The following CHD2 variants were observed in gnomAD, a reference collection of about 807,000 sequenced individuals.
CHD2 encodes the protein ATP-dependent chromatin remodeler CHD2.
In CHD2, 28 loss-of-function variants were observed where a neutral mutation model predicts 243.9. The observed-to-expected ratio is 0.11, with a 90% CI of 0.09 to 0.16. CHD2 has a LOEUF of 0.16. Among genes scored for constraint, CHD2 ranks in the 10% least tolerant of loss-of-function variants. The pLI is 1.00. For missense variants in CHD2, 1,386 were observed against 2,209.8 expected (o/e 0.63, Z 7.47); for synonymous variants, 775 against 779.0 (o/e 0.99, Z 0.09).
intron 2 of CHD2, among the ~76,000 whole-genome samples, chr15:92,912,797 G>T (rs147572717): frequency 6.6e-6 from 1 of 152,136 alleles, no homozygotes; most frequent in Non-Finnish European, 1.5e-5. Context: ...TGATCCGCCC[G>T]CCTCGGCCTC....
chr15:92,905,736 G>A (rs2052609279), intron 2 of CHD2, among the ~76,000 whole-genome samples: 1 of 152,180 alleles, frequency 6.6e-6, no homozygotes, highest in African/African-American at 2.4e-5. Context: ...ACAGAGAAGT[G>A]TTCATCAAAT....
intron 7 of CHD2, among the ~76,000 whole-genome samples, chr15:92,940,861 T>A (rs1414727089): frequency 2.4e-5 from 3 of 122,460 alleles, no homozygotes; most frequent in Admixed American, 9.8e-5. Flanking sequence ...AATATATAAA[T>A]ATATAAAAAT....
intron 16 of CHD2, among the ~76,000 whole-genome samples, chr15:92,965,677 GAA>G (rs1401053421): frequency 6.6e-6 from 1 of 150,710 alleles, no homozygotes; most frequent in Non-Finnish European, 1.5e-5. Flanking sequence ...CTGTTTAGAG[GAA>G]AAGCAGCCAT....
intron 35 of CHD2, among the ~76,000 whole-genome samples, chr15:93,009,975 C>T (rs949141178): frequency 9.2e-5 from 14 of 152,184 alleles, no homozygotes; most frequent in African/African-American, 2.9e-4. Context: ...TTGGTGCACC[C>T]ATCACCCGAG....
At chr15:92,972,903 A>G (rs1174334346) in intron 19 of CHD2, among the ~76,000 whole-genome samples, 2 of 152,142 alleles carry the variant, frequency 1.3e-5, no homozygotes, top group African/African-American at 2.4e-5. Flanking sequence ...TTTTACTTGC[A>G]TGCCTTTAGG....
chr15:92,913,270 T>C (rs1227305578), intron 2 of CHD2, among the ~76,000 whole-genome samples: 1 of 152,204 alleles, frequency 6.6e-6, no homozygotes, highest in Non-Finnish European at 1.5e-5. Context: ...CTGTAGAATC[T>C]TGGGCAGGAG....
intron 13 of CHD2, among the ~76,000 whole-genome samples, chr15:92,952,499 C>G (rs1267857443): frequency 2.6e-5 from 4 of 152,172 alleles, no homozygotes; most frequent in African/African-American, 9.7e-5. Context: ...CAACAGATCA[C>G]CAGGCATTAG....
chr15:92,966,063 T>A (rs554239483), intron 16 of CHD2, among the ~76,000 whole-genome samples: 35 of 150,878 alleles, frequency 2.3e-4, no homozygotes, highest in Admixed American at 4.7e-4. Context: ...TCTTTTTTCT[T>A]TTCTTTTTTT....
intron 28 of CHD2, among the ~76,000 whole-genome samples, chr15:92,996,555 A>C (rs2054190891): frequency 6.6e-6 from 1 of 152,114 alleles, no homozygotes; most frequent in Non-Finnish European, 1.5e-5. Context: ...TAGTGTTGTG[A>C]AGATCAAGTT....
At chr15:93,006,270 A>T (rs2054320771) in intron 34 of CHD2, among the ~76,000 whole-genome samples, 1 of 151,668 alleles carries the variant, frequency 6.6e-6, no homozygotes, top group East Asian at 1.9e-4. Context: ...GGGATTACAG[A>T]TGCGCACCAC....
chr15:92,935,763 T>C (rs1171996194), intron 5 of CHD2, among the ~76,000 whole-genome samples: 3 of 152,150 alleles, frequency 2.0e-5, no homozygotes, highest in African/African-American at 7.2e-5. Flanking sequence ...AAACATTTAT[T>C]GTACTATGCT....
chr15:92,974,962 ATGGCTT>A lies in CHD2; in HGVS notation c.2577+15_2577+20del, dbSNP rs2053888422. 2 of 1,611,716 alleles carry A rather than the reference ATGGCTT, an allele frequency of 1.2e-6. No individual in the cohort carries two copies. The highest frequency in any genetic ancestry group is 8.5e-7 in the Non-Finnish European group (1 of 1,178,170). On this transcript the variant is annotated intron_variant, in intron 20 of 38. Transcript: ENST00000394196. The stretch of plus-strand genomic sequence containing the variant: ...CAGATGGGTCTGAGGTATACTATGC[ATGGCTT>A]TGTTATTTGAGCAACTTGGGCTCTG...
Position 92,946,129 on chromosome 15 carries a change from A to G in CHD2, c.1290A>G (p.Glu430=), listed in dbSNP as rs2053463856. ...ATTCAGAGTGTAGCTGGGAAGATGAAGCCCTCATTGGAAAGAAATTCCAGA... is the reference window on the plus strand; with the variant it reads ...ATTCAGAGTGTAGCTGGGAAGATGAGGCCCTCATTGGAAAGAAATTCCAGA... The part of the protein sequence containing the change: ...LPYSECSWED[E]ALIGKKFQNC... The change falls in exon 12 of 39, where the codon GAA becomes GAG. Residue 430 remains glutamate (E), a synonymous_variant. Transcript: ENST00000394196. 6.2e-7 allele frequency: 1 copy of G among 1,613,544 alleles called. No homozygotes were observed. Among genetic ancestry groups the G allele is most frequent in the Non-Finnish European group, 8.5e-7 (1 of 1,179,628 alleles).
chr15:92,992,638 T>C (rs944912467), intron 27 of CHD2, among the ~76,000 whole-genome samples: 3 of 152,236 alleles, frequency 2.0e-5, no homozygotes, highest in Non-Finnish European at 2.9e-5. Context: ...TATTTTGTTT[T>C]GTGGAATATT....
At chr15:93,018,905 C>T (rs1457985874) in intron 37 of CHD2, among the ~76,000 whole-genome samples, 2 of 152,118 alleles carry the variant, frequency 1.3e-5, no homozygotes, top group Non-Finnish European at 2.9e-5. Flanking sequence ...CTGCAAAGAC[C>T]TAGGTAAAAT....
Position 92,974,816 on chromosome 15 carries a change from T to C in CHD2, c.2506-63T>C. The C allele has an allele frequency of 7.5e-6, 11 of 1,461,856 alleles. No homozygotes were observed. In the South Asian group the frequency reaches 1.3e-4, roughly 17 times the overall value. The allele number at this position is 1,461,856 out of a possible 1,614,324, so 90.6% of individuals were successfully genotyped here. A position where few individuals can be genotyped will look rare whatever the true frequency, so the allele number is the denominator to read the frequency against. ...CAGGTGATAAAGGTTCCAAGTCTGC[T>C]GTTCTATTCTGAGTGTAGCTGATCT... On this transcript the variant is annotated intron_variant, in intron 19 of 38. Transcript: ENST00000394196.
rs756072892 is a variant in CHD2 at position 92,924,506 on chromosome 15, A to T, written c.248A>T (p.Lys83Ile). ...TCCCAGCCAGTCCTCCCAGAAGCCA[A>T]AGAGAAGCCAGCCTCTAAGAAGGAA... is the stretch of plus-strand genomic sequence containing the variant. ...SKSQPVLPEAKEKPASKKERI... is the reference protein window; with the variant it reads ...SKSQPVLPEAIEKPASKKERI... Residue 83 changes from lysine to isoleucine, a missense_variant, in exon 3 of 39, where the codon AAA (lysine) becomes ATA (isoleucine). Transcript: ENST00000394196. The T allele has an allele frequency of 6.2e-7, 1 of 1,614,182 alleles. No homozygotes were observed. Among genetic ancestry groups the T allele is most frequent in the Admixed American group, 1.7e-5 (1 of 60,024 alleles).
chr15:93,016,034 A>G (rs779397311), intron 37 of CHD2, among the ~76,000 whole-genome samples: 5 of 152,252 alleles, frequency 3.3e-5, no homozygotes, highest in Non-Finnish European at 7.3e-5. Context: ...GAAATCAGTT[A>G]TGTTGAAGAA....
In CHD2 at chr15:92,998,981, G is replaced by T. The variant is rs2054218454; in HGVS notation, c.4008+360G>T. On this transcript the variant is annotated intron_variant, in intron 31 of 38. Transcript: ENST00000394196. This position sits in a 1 kb window ranked among gnomAD's most constrained non-coding sequence, Gnocchi z 5.1. Reference sequence around the variant, plus strand: ...CGCCTGTAATCCCAGCTACTTAGGAGGCTGAGGCAGGAGAATGGTGTGAAC... The same window carrying T: ...CGCCTGTAATCCCAGCTACTTAGGATGCTGAGGCAGGAGAATGGTGTGAAC... Among the ~76,000 whole-genome samples the T allele has an allele frequency of 6.7e-6, 1 of 148,478 alleles. No homozygotes were observed. The highest frequency in any genetic ancestry group is 1.5e-5 in the Non-Finnish European group (1 of 67,520).
Sources: allele counts gnomAD v4.1 joint callset (sites outside exome capture counted in the v4.1 genomes callset), GRCh38; gene constraint gnomAD v4.1.1; non-coding constraint Gnocchi (gnomAD v3.1); transcripts MANE v1.5; gene names NCBI Gene and HGNC (gene_info 2026-07-23, HGNC 2026-07-21).